CENPW: variants seen among roughly 807,000 people sequenced by gnomAD.
The protein encoded by CENPW is cancer-up-regulated gene 2 protein.
In CENPW, 3 loss-of-function variants were observed where a neutral mutation model predicts 11.1. The ratio of observed to expected loss-of-function variants is 0.27; its 90% CI spans 0.12 to 0.70. CENPW has a LOEUF of 0.70. Among genes scored for constraint, CENPW ranks in the 30% least tolerant of loss-of-function variants. The pLI is 0.77. For missense variants in CENPW, 100 were observed against 105.6 expected (o/e 0.95, Z 0.23); for synonymous variants, 38 against 42.0 (o/e 0.91, Z 0.37).
At chr6:126,479,535 C>T in the CENPW span, among the ~76,000 whole-genome samples, 1 of 151,972 alleles carries the variant, frequency 6.6e-6, no homozygotes, top group African/African-American at 2.4e-5. Flanking sequence ...GATTCATAGT[C>T]TATGTTTCTT....
the CENPW span, among the ~76,000 whole-genome samples, chr6:126,414,043 G>A: frequency 1.1e-4 from 17 of 151,972 alleles, no homozygotes; most frequent in East Asian, 1.2e-3. Context: ...GATAAAACAA[G>A]CTTTAAGTAA....
At chr6:126,356,979 C>G in the CENPW span, among the ~76,000 whole-genome samples, 1 of 152,124 alleles carries the variant, frequency 6.6e-6, no homozygotes, top group Admixed American at 6.5e-5. Context: ...GTTGTTGTTG[C>G]CATTGCTTTT....
chr6:126,438,261 T>C, the CENPW span, among the ~76,000 whole-genome samples: 5 of 151,760 alleles, frequency 3.3e-5, no homozygotes, highest in South Asian at 1.0e-3. Context: ...TAAACCTAAA[T>C]TGGGCTTAAC....
At chr6:126,371,474 G>C in the CENPW span, among the ~76,000 whole-genome samples, 1 of 152,146 alleles carries the variant, frequency 6.6e-6, no homozygotes, top group Non-Finnish European at 1.5e-5. Context: ...TTAATATGCT[G>C]TTGGATTCGA....
chr6:126,376,543 C>T, the CENPW span, among the ~76,000 whole-genome samples: 14 of 152,116 alleles, frequency 9.2e-5, no homozygotes, highest in Non-Finnish European at 1.9e-4. Flanking sequence ...GCTAGATCCC[C>T]TAATAACAGT....
chr6:126,341,739 G>T (rs954015675), intron 1 of CENPW, among the ~76,000 whole-genome samples: 2 of 152,128 alleles, frequency 1.3e-5, no homozygotes, highest in African/African-American at 4.8e-5. Flanking sequence ...GCTTTCACTG[G>T]GGCTTCTAAA....
chr6:126,472,690 G>A, the CENPW span, among the ~76,000 whole-genome samples: 337 of 152,254 alleles, frequency 2.2e-3, 1 homozygote, highest in Middle Eastern at 6.8e-3. Flanking sequence ...AGACTATATG[G>A]TAAGTGCACA....
the CENPW span, among the ~76,000 whole-genome samples, chr6:126,454,389 AT>A: frequency 1.3e-5 from 2 of 151,498 alleles, no homozygotes; most frequent in African/African-American, 4.8e-5. Flanking sequence ...CCACAGCTTA[AT>A]AAAAATAGAA....
intron 1 of CENPW, among the ~76,000 whole-genome samples, chr6:126,345,381 G>C (rs1301513959): frequency 2.0e-5 from 3 of 151,882 alleles, no homozygotes; most frequent in African/African-American, 7.3e-5. Flanking sequence ...TTGACTGGGG[G>C]ATGAGATGGG....
At chr6:126,465,491 G>A in the CENPW span, among the ~76,000 whole-genome samples, 1 of 152,002 alleles carries the variant, frequency 6.6e-6, no homozygotes, top group Non-Finnish European at 1.5e-5. Context: ...TCAAAATCAA[G>A]CTGGCATTTT....
chr6:126,346,411 C>A, intron 2 of CENPW, 93 bp downstream of exon 2: 1 of 601,346 alleles, frequency 1.7e-6, no homozygotes, highest in Non-Finnish European at 2.8e-6. Flanking sequence ...CCTTACTCAG[C>A]TTTGTTGATT....
At chr6:126,408,721 T>C in the CENPW span, among the ~76,000 whole-genome samples, 1 of 152,322 alleles carries the variant, frequency 6.6e-6, no homozygotes, top group African/African-American at 2.4e-5. Flanking sequence ...GTTGTATACG[T>C]CCAGGGATTT....
At chr6:126,405,882 AT>A in the CENPW span, among the ~76,000 whole-genome samples, 1 of 151,700 alleles carries the variant, frequency 6.6e-6, no homozygotes, top group Non-Finnish European at 1.5e-5. Context: ...CAATTCTAAG[AT>A]TTTTTTGTGG....
the CENPW span, among the ~76,000 whole-genome samples, chr6:126,396,764 AGAT>A: frequency 6.6e-6 from 1 of 152,032 alleles, no homozygotes; most frequent in African/African-American, 2.4e-5. Context: ...TTCAGTTAGC[AGAT>A]GATGAGTGCT....
chr6:126,385,287 T>C, the CENPW span, among the ~76,000 whole-genome samples: 2 of 152,078 alleles, frequency 1.3e-5, no homozygotes, highest in African/African-American at 4.8e-5. Context: ...AATTGTTCTA[T>C]CATGAAGGCA....
At chr6:126,432,597 G>T in the CENPW span, among the ~76,000 whole-genome samples, 5 of 152,066 alleles carry the variant, frequency 3.3e-5, no homozygotes, top group Admixed American at 3.3e-4. Flanking sequence ...TTATTGTACT[G>T]ACTATCACAC....
the CENPW span, among the ~76,000 whole-genome samples, chr6:126,424,094 G>A: frequency 2.0e-5 from 3 of 151,954 alleles, no homozygotes; most frequent in South Asian, 4.1e-4. Context: ...TTACACTGTG[G>A]TGAATAATAT....
At chr6:126,476,874 T>C in the CENPW span, among the ~76,000 whole-genome samples, 1 of 151,998 alleles carries the variant, frequency 6.6e-6, no homozygotes, top group African/African-American at 2.4e-5. Flanking sequence ...GGTTAATGTC[T>C]AAAACCAGAT....
At chr6:126,411,522 A>C in the CENPW span, among the ~76,000 whole-genome samples, 1 of 152,150 alleles carries the variant, frequency 6.6e-6, no homozygotes, top group Non-Finnish European at 1.5e-5. Context: ...CTATTGTGGC[A>C]CATGGGCCTT....
Sources: gnomAD v4.1 joint callset for allele counts (sites outside exome capture counted in the v4.1 genomes callset) on GRCh38, gnomAD v4.1.1 for gene constraint, MANE v1.5 for transcripts, NCBI Gene and HGNC (gene_info 2026-07-23, HGNC 2026-07-21) for gene names.